Variants in ARHGAP39 observed in about 807,000 individuals in gnomAD.
The protein encoded by ARHGAP39 is Rho GTPase activating protein 39.
Under a neutral mutation model 106.9 loss-of-function variants are expected in ARHGAP39, and 44 were observed. The observed-to-expected ratio is 0.41, with a 90% CI of 0.32 to 0.53. ARHGAP39 has a LOEUF of 0.53. Ranked by LOEUF, ARHGAP39 falls within the 20% of genes least tolerant of loss-of-function variation. ARHGAP39 has a pLI of 0.21. For missense variants in ARHGAP39, 1,496 were observed against 1,577.3 expected (o/e 0.95, Z 0.87); for synonymous variants, 768 against 693.2 (o/e 1.11, Z -1.69).
chr8:144,674,362 G>C (rs776183399), intron 1 of ARHGAP39, among the ~76,000 whole-genome samples: 15 of 152,216 alleles, frequency 9.9e-5, no homozygotes, highest in African/African-American at 3.1e-4. Flanking sequence ...CGACTGTTCA[G>C]GTCTCAGCAG....
chr8:144,637,054 T>C (rs1821189554), intron 1 of ARHGAP39, among the ~76,000 whole-genome samples: 1 of 152,242 alleles, frequency 6.6e-6, no homozygotes, highest in African/African-American at 2.4e-5. Context: ...CTTTGTGTCT[T>C]TGTACCAGTC....
chr8:144,612,794 A>C (rs367836734), intron 1 of ARHGAP39, among the ~76,000 whole-genome samples: 3 of 103,208 alleles, frequency 2.9e-5, no homozygotes, highest in Admixed American at 8.9e-5. Context: ...GATAGAGTGA[A>C]GTGAGCCACG....
intron 1 of ARHGAP39, among the ~76,000 whole-genome samples, chr8:144,619,540 G>C (rs1427879579): frequency 1.3e-5 from 2 of 152,060 alleles, no homozygotes; most frequent in Non-Finnish European, 2.9e-5. Flanking sequence ...GTGTGCACGT[G>C]AGCCTGTGTC....
At chr8:144,619,645 T>C (rs1267338622) in intron 1 of ARHGAP39, among the ~76,000 whole-genome samples, 7 of 150,632 alleles carry the variant, frequency 4.6e-5, no homozygotes. Context: ...AGAGCGTGTG[T>C]CCGTGCATGA....
chr8:144,599,279 G>A (rs995632148), intron 2 of ARHGAP39, among the ~76,000 whole-genome samples: 1 of 152,164 alleles, frequency 6.6e-6, no homozygotes, highest in African/African-American at 2.4e-5. Context: ...GCCAACACAA[G>A]ACTGAGGCAC....
chr8:144,588,835 C>T (rs893811050), intron 2 of ARHGAP39, among the ~76,000 whole-genome samples: 6 of 152,266 alleles, frequency 3.9e-5, no homozygotes, highest in Non-Finnish European at 8.8e-5. Context: ...AGCACGCCGC[C>T]TCTGTGGTCC....
At chr8:144,566,074 A>AC (rs1294858116) in intron 3 of ARHGAP39, among the ~76,000 whole-genome samples, 1 of 151,302 alleles carries the variant, frequency 6.6e-6, no homozygotes. Context: ...AGCCTGGGCT[A>AC]CAGAGCGAGA....
intron 6 of ARHGAP39, among the ~76,000 whole-genome samples, chr8:144,542,080 G>A (rs1431950356): frequency 6.6e-6 from 1 of 152,186 alleles, no homozygotes; most frequent in Non-Finnish European, 1.5e-5. Flanking sequence ...TGGAAGCCGG[G>A]AGACCTTGTT....
the ARHGAP39 span, chr8:144,699,163 G>T: frequency 3.8e-6 from 1 of 261,542 alleles, no homozygotes; most frequent in Admixed American, 5.2e-5. Flanking sequence ...AGATGGGGCA[G>T]TGAGGGGCGC....
intron 6 of ARHGAP39, 146 bp from the exon 7 acceptor site, chr8:144,537,959 G>A: frequency 2.9e-6 from 2 of 694,926 alleles, no homozygotes; most frequent in Non-Finnish European, 4.9e-6. Flanking sequence ...TTTCTGGGGG[G>A]ACGTGGCTGT....
intron 3 of ARHGAP39, among the ~76,000 whole-genome samples, chr8:144,567,162 T>C (rs1170534087): frequency 6.6e-6 from 1 of 152,188 alleles, no homozygotes; most frequent in African/African-American, 2.4e-5. Flanking sequence ...CAGATATAGA[T>C]CTTAGATATG....
chr8:144,618,696 G>C (rs913970225), intron 1 of ARHGAP39, among the ~76,000 whole-genome samples: 3 of 152,214 alleles, frequency 2.0e-5, no homozygotes, highest in Admixed American at 6.5e-5. Context: ...TCCCTGAAGA[G>C]GCCGGGCGCA....
Position 144,633,449 on chromosome 8 carries a change from C to G in ARHGAP39, c.-81-27754G>C, listed in dbSNP as rs537719923. Among the ~76,000 whole-genome samples, 3 of 152,076 alleles carry G rather than the reference C, an allele frequency of 2.0e-5. No homozygotes were observed. The South Asian group carries it at 6.2e-4, about 32-fold the overall frequency. On this transcript the variant is annotated intron_variant, in intron 1 of 11. Coordinates refer to ENST00000377307, the MANE Select transcript of ARHGAP39 (RefSeq NM_025251.3). ...ACTCCAGCCTGGTGACAGAGTGAGA[C>G]TCCGTCTCAAAAAAAAGAAGAAAAA...
chr8:144,534,284 T>G, intron 7 of ARHGAP39, 82 bp from the exon 8 acceptor site: 2 of 1,511,510 alleles, frequency 1.3e-6, no homozygotes, highest in South Asian at 2.3e-5. Flanking sequence ...CACAGCTCCT[T>G]CGAGGGCCCT....
chr8:144,602,582 ATGTG>A (rs567520729), intron 2 of ARHGAP39, among the ~76,000 whole-genome samples: 2 of 106,600 alleles, frequency 1.9e-5, no homozygotes, highest in Non-Finnish European at 3.7e-5. Flanking sequence ...ACCTGTGTGC[ATGTG>A]TGTGGAGGTG....
chr8:144,591,862 T>G lies in ARHGAP39; in HGVS notation c.81-10585A>C, dbSNP rs144017441. 4.3e-4 allele frequency among the ~76,000 whole-genome samples: 66 copies of G among 152,120 alleles called. No individual in the cohort carries two copies. Among genetic ancestry groups the G allele is most frequent in the Middle Eastern group, 6.8e-3 (2 of 294 alleles). On this transcript the variant is annotated intron_variant, in intron 2 of 11. Coordinates refer to ENST00000377307, the MANE Select transcript of ARHGAP39 (RefSeq NM_025251.3). This position sits in a 1 kb window ranked among gnomAD's most constrained non-coding sequence, Gnocchi z 5.3. ...GGGCGGCTTCCCCTGGATGGCGGCGTCGCCTCGTCGCCTCGTGCCTGCGGG... is the reference window on the plus strand; with the variant it reads ...GGGCGGCTTCCCCTGGATGGCGGCGGCGCCTCGTCGCCTCGTGCCTGCGGG...
intron 1 of ARHGAP39, among the ~76,000 whole-genome samples, chr8:144,657,411 G>A (rs1183025082): frequency 6.6e-6 from 1 of 152,126 alleles, no homozygotes; most frequent in Non-Finnish European, 1.5e-5. Context: ...AGCCAACTCT[G>A]ATCATGCTAC....
In ARHGAP39 at chr8:144,547,303, T is replaced by C. The variant is rs1456669092; in HGVS notation, c.1783A>G (p.Met595Val). ...YESDGALPLP[M>V]PGPVVRAFSE... ...AAGGCCCGCACCACCGGCCCGGGCA[T>C]GGGCAGTGGCAGGGCGCCGTCGCTC... is the stretch of plus-strand genomic sequence containing the variant. The change falls in exon 5 of 12, where the codon ATG (methionine) becomes GTG (valine). Residue 595 changes from methionine to valine, a missense_variant. This residue lies in a region of ARHGAP39 where 905 missense variants were observed against 816.4 expected (regional missense o/e 1.11). Coordinates refer to ENST00000377307, the MANE Select transcript of ARHGAP39 (RefSeq NM_025251.3). The surrounding 1 kb of genome is among the most constrained non-coding windows in gnomAD (Gnocchi z 5.2). The C allele has an allele frequency of 6.2e-7, 1 of 1,611,566 alleles. No individual in the cohort carries two copies. The highest frequency in any genetic ancestry group is 8.5e-7 in the Non-Finnish European group (1 of 1,179,554).
chr8:144,583,721 G>A (rs1819085603), intron 2 of ARHGAP39, among the ~76,000 whole-genome samples: 1 of 152,240 alleles, frequency 6.6e-6, no homozygotes, highest in African/African-American at 2.4e-5. Flanking sequence ...TGTTGTGGGG[G>A]TGGCAGGTTA....
Sources: gnomAD v4.1 joint callset for allele counts (sites outside exome capture counted in the v4.1 genomes callset) on GRCh38, gnomAD v4.1.1 for gene constraint, gnomAD v4.1.1 regional missense constraint, Gnocchi (gnomAD v3.1) non-coding constraint, MANE v1.5 for transcripts, NCBI Gene and HGNC (gene_info 2026-07-23, HGNC 2026-07-21) for gene names.